ZNF892: variants seen among roughly 807,000 people sequenced by gnomAD.
ZNF892 encodes zinc finger protein 892, also known as zinc finger protein 570-like.
the ZNF892 span, chr2:95,207,760 C>T: frequency 6.8e-5 from 27 of 398,480 alleles, no homozygotes; most frequent in South Asian, 3.3e-3. Flanking sequence ...CGGCGGACCT[C>T]CGGCTCCTTC....
At chr2:95,215,127 G>T in the ZNF892 span, 2 of 481,764 alleles carry the variant, frequency 4.2e-6, no homozygotes, top group East Asian at 6.5e-5. Context: ...TAAGTGTAAC[G>T]AATGTGGCAA....
At chr2:95,211,719 G>C in the ZNF892 span, 1 of 398,538 alleles carries the variant, frequency 2.5e-6, no homozygotes. Flanking sequence ...TGGTCTTGCT[G>C]GGTAAGGATG....
chr2:95,251,415 A>C, the ZNF892 span, among the ~76,000 whole-genome samples: 34 of 152,354 alleles, frequency 2.2e-4, 2 homozygotes, highest in East Asian at 6.5e-3. Context: ...AGGTACACCT[A>C]CTTTAATTAT....
At chr2:95,218,633 G>C in the ZNF892 span, among the ~76,000 whole-genome samples, 1 of 152,028 alleles carries the variant, frequency 6.6e-6, no homozygotes, top group Non-Finnish European at 1.5e-5. Context: ...CCCCCTTCTG[G>C]GTACCAAAAT....
At chr2:95,230,389 T>G in the ZNF892 span, among the ~76,000 whole-genome samples, 1 of 152,116 alleles carries the variant, frequency 6.6e-6, no homozygotes, top group Non-Finnish European at 1.5e-5. Context: ...TAAAATAAAT[T>G]TTCATTTTTC....
the ZNF892 span, among the ~76,000 whole-genome samples, chr2:95,240,597 C>T: frequency 8.8e-3 from 1,344 of 152,298 alleles, 25 homozygotes; most frequent in African/African-American, 0.03. Flanking sequence ...CCCAGCAAGG[C>T]GGGAGGTCCA....
At chr2:95,215,322 T>C in the ZNF892 span, 1 of 469,542 alleles carries the variant, frequency 2.1e-6, no homozygotes, top group Admixed American at 3.7e-5. Context: ...CAGTGACCGC[T>C]CAGCCCTTAT....
chr2:95,216,175 C>T, the ZNF892 span, among the ~76,000 whole-genome samples: 2 of 152,132 alleles, frequency 1.3e-5, no homozygotes, highest in African/African-American at 2.4e-5. Flanking sequence ...TATTCACAAC[C>T]ATGAGAAATA....
the ZNF892 span, chr2:95,212,144 A>G: frequency 2.5e-5 from 10 of 398,192 alleles, no homozygotes; most frequent in African/African-American, 2.1e-4. Context: ...AGACCAGGGA[A>G]TGAACACTGA....
chr2:95,210,205 ATATG>A, the ZNF892 span, among the ~76,000 whole-genome samples: 1 of 147,038 alleles, frequency 6.8e-6, no homozygotes, highest in Non-Finnish European at 1.5e-5. Flanking sequence ...ATATATGTAT[ATATG>A]TGTATATATG....
the ZNF892 span, among the ~76,000 whole-genome samples, chr2:95,231,476 A>T: frequency 3.3e-4 from 51 of 152,354 alleles, no homozygotes; most frequent in Non-Finnish European, 5.7e-4. Flanking sequence ...ACAACTGTGT[A>T]TCTGTTTGTC....
the ZNF892 span, chr2:95,211,511 T>G: frequency 5.1e-6 from 2 of 395,722 alleles, no homozygotes; most frequent in Non-Finnish European, 8.9e-6. Flanking sequence ...TGTCTGTCCT[T>G]TTTTTATCCT....
At chr2:95,209,477 GGA>G in the ZNF892 span, among the ~76,000 whole-genome samples, 2 of 152,156 alleles carry the variant, frequency 1.3e-5, no homozygotes, top group African/African-American at 4.8e-5. Flanking sequence ...ATAGCTGATT[GGA>G]GAGAGAGGAT....
the ZNF892 span, among the ~76,000 whole-genome samples, chr2:95,236,618 A>G: frequency 1.3e-5 from 2 of 152,224 alleles, no homozygotes; most frequent in African/African-American, 4.8e-5. Flanking sequence ...GTATCATTGC[A>G]TAGTACTTGT....
At chr2:95,222,108 CTTTTT>C in the ZNF892 span, among the ~76,000 whole-genome samples, 1 of 151,988 alleles carries the variant, frequency 6.6e-6, no homozygotes, top group Non-Finnish European at 1.5e-5. Context: ...ACCTGTGCTG[CTTTTT>C]TTTAAGAGTG....
chr2:95,223,668 T>C, the ZNF892 span, among the ~76,000 whole-genome samples: 1 of 152,142 alleles, frequency 6.6e-6, no homozygotes, highest in Admixed American at 6.6e-5. Flanking sequence ...CCCAAAGTGC[T>C]GGAAATACAA....
At chr2:95,253,046 C>T in the ZNF892 span, among the ~76,000 whole-genome samples, 3 of 152,170 alleles carry the variant, frequency 2.0e-5, no homozygotes, top group Non-Finnish European at 4.4e-5. Flanking sequence ...TGCCTGTTCA[C>T]TCTGATGGTA....
chr2:95,229,455 T>C, the ZNF892 span, among the ~76,000 whole-genome samples: 2 of 152,122 alleles, frequency 1.3e-5, no homozygotes, highest in African/African-American at 2.4e-5. Context: ...CCCACCTCAT[T>C]GTCCCAATGC....
chr2:95,223,390 GT>G, the ZNF892 span, among the ~76,000 whole-genome samples: 16 of 151,994 alleles, frequency 1.1e-4, no homozygotes, highest in South Asian at 4.2e-4. Context: ...TAATATTGGG[GT>G]TTTTTTGGGG....
Sources: gnomAD v4.1 joint callset for allele counts (sites outside exome capture counted in the v4.1 genomes callset) on GRCh38, gnomAD v4.1.1 for gene constraint, MANE v1.5 for transcripts, NCBI Gene and HGNC (gene_info 2026-07-23, HGNC 2026-07-21) for gene names.